The following MAPKAPK5 variants were observed in gnomAD, a reference collection of about 807,000 sequenced individuals.
MAPKAPK5 encodes MAP kinase-activated protein kinase 5.
A neutral mutation model predicts 65.1 loss-of-function variants in MAPKAPK5; 30 were observed. That is an observed-to-expected ratio of 0.46 (90% CI 0.34 to 0.63). The LOEUF is 0.63. Ranked by LOEUF, MAPKAPK5 falls within the 20% of genes least tolerant of loss-of-function variation. The pLI is 0.01. For missense variants in MAPKAPK5, 433 were observed against 581.4 expected (o/e 0.74, Z 2.63); for synonymous variants, 179 against 204.6 (o/e 0.87, Z 1.07).
At chr12:111,857,455 G>T (rs2069282006) in intron 1 of MAPKAPK5, among the ~76,000 whole-genome samples, 1 of 152,164 alleles carries the variant, frequency 6.6e-6, no homozygotes, top group Non-Finnish European at 1.5e-5. Flanking sequence ...GTTTCGCCAT[G>T]TTGGCCAGGC....
intron 1 of MAPKAPK5, among the ~76,000 whole-genome samples, chr12:111,857,889 T>TG (rs1566234000): frequency 1.3e-5 from 2 of 151,678 alleles, no homozygotes; most frequent in African/African-American, 4.8e-5. Context: ...GTGTTTTTTT[T>TG]TGTGTGTGTG....
Position 111,889,051 on chromosome 12 carries a change from T to C in MAPKAPK5, c.1216+51T>C, listed in dbSNP as rs373542670. The C allele has an allele frequency of 7.3e-5, 112 of 1,542,156 alleles. No individual in the cohort carries two copies. The African/African-American group carries it at 1.3e-3, about 17-fold the overall frequency. On this transcript the variant is annotated intron_variant, in intron 12 of 13. Coordinates refer to ENST00000550735, the MANE Select transcript of MAPKAPK5 (RefSeq NM_003668.4). The stretch of plus-strand genomic sequence containing the variant: ...CTCTGTGTGTCTGTGAGTGTGTGTG[T>C]GCAGGGGTGGGTGGGTGTATGCATG...
In MAPKAPK5 at chr12:111,899,680, T is replaced by C; in HGVS notation, c.*6619T>C. 1 of 297,028 alleles carries C rather than the reference T, an allele frequency of 3.4e-6. No individual in the cohort carries two copies. Among genetic ancestry groups the C allele is most frequent in the South Asian group, 3.0e-5 (1 of 33,058 alleles). The allele number at this position is 297,028 out of a possible 1,614,324, so 18.4% of individuals were successfully genotyped here. ...GGCCTCCTGGGGCAAGAATCGCCTT[T>C]CATCTCACATGACTGCCACTATGAA... is the stretch of plus-strand genomic sequence containing the variant. On this transcript the variant is annotated 3_prime_UTR_variant, in exon 14 of 14. Coordinates refer to ENST00000550735, the MANE Select transcript of MAPKAPK5 (RefSeq NM_003668.4).
Position 111,867,583 on chromosome 12 carries a change from C to G in MAPKAPK5, c.198C>G (p.His66Gln), listed in dbSNP as rs2069654918. The G allele has an allele frequency of 6.2e-7, 1 of 1,613,536 alleles. No individual in the cohort carries two copies. The change falls in exon 4 of 14, where the codon CAC (histidine) becomes CAG (glutamine). Residue 66 changes from histidine (H) to glutamine (Q), a missense_variant. Physicochemically the swap from His to Gln is conservative, Grantham distance 24. Transcript: ENST00000550735. ...RPKARNEVRL[H>Q]MMCATHPNIV... ...CTGTTCTCTTTAAGGTACGTCTGCA[C>G]ATGATGTGTGCCACACACCCAAACA...
intron 7 of MAPKAPK5, among the ~76,000 whole-genome samples, chr12:111,876,754 C>CT (rs898479015): frequency 1.3e-5 from 2 of 151,732 alleles, no homozygotes; most frequent in African/African-American, 2.4e-5. Context: ...TTCTTTCATC[C>CT]TTTTTTTTCT....
rs951781696 is a variant in MAPKAPK5 at position 111,893,177 on chromosome 12, G to A, written c.*116G>A. ...CATTTCCACATTGATTAAAGCTGCT[G>A]TATAGATTTAGGGTGCAGGACTTAA... is the stretch of plus-strand genomic sequence containing the variant. On this transcript the variant is annotated 3_prime_UTR_variant, in exon 14 of 14. Transcript: ENST00000550735. 4.0e-6 allele frequency: 3 copies of A among 747,696 alleles called. No homozygotes were observed. The African/African-American group carries it at 5.3e-5, about 13-fold the overall frequency. 46.3% of individuals were successfully genotyped at this position (747,696 alleles called of 1,614,324 possible). A position where few individuals can be genotyped will look rare whatever the true frequency, so the allele number is the denominator to read the frequency against.
At chr12:111,857,434 G>A (rs1199520884) in intron 1 of MAPKAPK5, among the ~76,000 whole-genome samples, 1 of 152,032 alleles carries the variant, frequency 6.6e-6, no homozygotes, top group East Asian at 1.9e-4. Flanking sequence ...TGTATTTTTA[G>A]TAGAGACGAG....
chr12:111,890,120 A>G lies in MAPKAPK5; in HGVS notation c.1297A>G (p.Thr433Ala), dbSNP rs757374281. Residue 433 changes from threonine to alanine, a missense_variant, in exon 13 of 14, where the codon ACT becomes GCT. Physicochemically the swap from Thr to Ala is moderately conservative, Grantham distance 58. Coordinates refer to ENST00000550735, the MANE Select transcript of MAPKAPK5 (RefSeq NM_003668.4). ...YNRECKLLRDTLQSFSWNGRG... is the reference protein window; with the variant it reads ...YNRECKLLRDALQSFSWNGRG... ...CCGGGAATGCAAACTCCTAAGAGAT[A>G]CTCTGCAGAGCTTCAGCTGGAATGG... The G allele has an allele frequency of 6.3e-7, 1 of 1,595,596 alleles. No individual in the cohort carries two copies. The highest frequency in any genetic ancestry group is 2.3e-5 in the East Asian group (1 of 44,236).
At chr12:111,843,145 G>C in intron 1 of MAPKAPK5, 2 of 398,642 alleles carry the variant, frequency 5.0e-6, no homozygotes, top group Non-Finnish European at 8.8e-6. Flanking sequence ...AACTTGGAGA[G>C]TTGGAATTTA....
chr12:111,844,044 G>A (rs1006799001), intron 1 of MAPKAPK5, among the ~76,000 whole-genome samples: 1 of 151,884 alleles, frequency 6.6e-6, no homozygotes, highest in African/African-American at 2.4e-5. Context: ...GGATGGGCTC[G>A]ATCTCCTGAC....
At position 111,869,455 on chromosome 12, in the gene MAPKAPK5, T is replaced by G. The variant is rs183763391; in HGVS notation, c.393+594T>G. Among the ~76,000 whole-genome samples, 11 of 152,322 alleles carry G rather than the reference T, an allele frequency of 7.2e-5. No homozygotes were observed. In the East Asian group the frequency reaches 2.1e-3, roughly 29 times the overall value. The stretch of plus-strand genomic sequence containing the variant: ...ATCACTTCTTGCAGAGGTGAAAAGC[T>G]AAACCCTCAAGGCTTATCTTCATAC... On this transcript the variant is annotated intron_variant, in intron 5 of 13. Coordinates refer to ENST00000550735, the MANE Select transcript of MAPKAPK5 (RefSeq NM_003668.4).
At chr12:111,850,962 G>A (rs982600655) in intron 1 of MAPKAPK5, among the ~76,000 whole-genome samples, 5 of 149,648 alleles carry the variant, frequency 3.3e-5, no homozygotes, top group African/African-American at 1.2e-4. Flanking sequence ...GCAGTGGCAC[G>A]ATCGCGGCTC....
Position 111,901,506 on chromosome 12 carries a change from T to TTAAG in MAPKAPK5, c.*8448_*8451dup, listed in dbSNP as rs1188845235. On this transcript the variant is annotated 3_prime_UTR_variant, in exon 14 of 14. Coordinates refer to ENST00000550735, the MANE Select transcript of MAPKAPK5 (RefSeq NM_003668.4). ...CATTATACTTTTTATAATATTATTA[T>TTAAG]TAAGTACAATTATTTGATCTGCTTG... is the stretch of plus-strand genomic sequence containing the variant. The TTAAG allele has an allele frequency of 2.5e-6, 1 of 400,996 alleles. No individual in the cohort carries two copies. The highest frequency in any genetic ancestry group is 2.8e-5 in the Admixed American group (1 of 35,386). 24.8% of individuals were successfully genotyped at this position (400,996 alleles called of 1,614,324 possible). A position where few individuals can be genotyped will look rare whatever the true frequency, so the allele number is the denominator to read the frequency against.
In MAPKAPK5 at chr12:111,883,256, G is replaced by A. The variant is rs560266716; in HGVS notation, c.661-325G>A. Among the ~76,000 whole-genome samples, 3 of 152,274 alleles carry A rather than the reference G, an allele frequency of 2.0e-5. No homozygotes were observed. Among genetic ancestry groups the A allele is most frequent in the African/African-American group, 7.2e-5 (3 of 41,548 alleles). On this transcript the variant is annotated intron_variant, in intron 8 of 13. Transcript: ENST00000550735. This position sits in a 1 kb window ranked among gnomAD's most constrained non-coding sequence, Gnocchi z 4.8. ...CCAGGCGGCATGGTGGCACATGCCT[G>A]TAATCCCAGCTACTCAGGAGGCTGA...
chr12:111,854,220 C>CTTTTCT (rs550550879), intron 1 of MAPKAPK5, among the ~76,000 whole-genome samples: 17 of 150,720 alleles, frequency 1.1e-4, no homozygotes, highest in African/African-American at 3.2e-4. Flanking sequence ...TAAAGATTTT[C>CTTTTCT]TTTTCTTTTT....
intron 9 of MAPKAPK5, among the ~76,000 whole-genome samples, chr12:111,885,237 T>G (rs535873892): frequency 4.9e-4 from 75 of 152,238 alleles, no homozygotes; most frequent in Non-Finnish European, 9.4e-4. Flanking sequence ...TCCTGACATT[T>G]GTAATGAGAG....
Position 111,893,713 on chromosome 12 carries a change from C to CTT in MAPKAPK5, c.*670_*671dup, listed in dbSNP as rs1055678464. On this transcript the variant is annotated 3_prime_UTR_variant, in exon 14 of 14. Transcript: ENST00000550735. ...AACAGGGTTTTCTTTTGGGTTTATT[C>CTT]TTTTTTTTTTTTTTTTTTTGAGACA... is the stretch of plus-strand genomic sequence containing the variant. The CTT allele has an allele frequency of 3.6e-4, 47 of 129,394 alleles. No homozygotes were observed. The highest frequency in any genetic ancestry group is 5.1e-4 in the Non-Finnish European group (31 of 60,268). The allele number at this position is 129,394 out of a possible 1,614,324, so 8.0% of individuals were successfully genotyped here.
At chr12:111,864,591 G>A (rs2069544438) in intron 1 of MAPKAPK5, among the ~76,000 whole-genome samples, 1 of 152,156 alleles carries the variant, frequency 6.6e-6, no homozygotes, top group East Asian at 1.9e-4. Flanking sequence ...ACATGCAATA[G>A]TTAGCCAAGA....
At chr12:111,869,512 A>G (rs1305272891) in intron 5 of MAPKAPK5, among the ~76,000 whole-genome samples, 1 of 152,240 alleles carries the variant, frequency 6.6e-6, no homozygotes, top group Non-Finnish European at 1.5e-5. Context: ...ATTAGGAAGC[A>G]CAGCCCAATT....
Sources: gnomAD v4.1 joint callset for allele counts (sites outside exome capture counted in the v4.1 genomes callset) on GRCh38, gnomAD v4.1.1 for gene constraint, Gnocchi (gnomAD v3.1) non-coding constraint, MANE v1.5 for transcripts, NCBI Gene and HGNC (gene_info 2026-07-23, HGNC 2026-07-21) for gene names.